The following CLXN variants were observed in gnomAD, a reference collection of about 807,000 sequenced individuals.
CLXN encodes the protein calaxin.
chr8:48,724,698 GCCT>G, the CLXN span: 1 of 1,482,638 alleles, frequency 6.7e-7, no homozygotes, highest in Non-Finnish European at 9.2e-7. Flanking sequence ...ATATGTGTGT[GCCT>G]CCTTTTTTAC....
At chr8:48,720,041 A>G in the CLXN span, among the ~76,000 whole-genome samples, 1 of 152,196 alleles carries the variant, frequency 6.6e-6, no homozygotes, top group Non-Finnish European at 1.5e-5. Context: ...TTCCCAAATA[A>G]TACTTTTATA....
At chr8:48,722,792 T>C in the CLXN span, among the ~76,000 whole-genome samples, 2 of 151,606 alleles carry the variant, frequency 1.3e-5, no homozygotes, top group Non-Finnish European at 2.9e-5. Flanking sequence ...AGACACACAA[T>C]GAAATATCAT....
At chr8:48,732,305 C>T in the CLXN span, among the ~76,000 whole-genome samples, 3 of 152,130 alleles carry the variant, frequency 2.0e-5, no homozygotes, top group Admixed American at 6.5e-5. Flanking sequence ...TATTTTGAAA[C>T]CAGTCAAAAC....
the CLXN span, among the ~76,000 whole-genome samples, chr8:48,727,151 TTCCATCCA>T: frequency 7.8e-6 from 1 of 127,634 alleles, no homozygotes; most frequent in Admixed American, 7.8e-5. Context: ...CCATCCATCC[TTCCATCCA>T]TCCATCCATC....
At chr8:48,728,643 A>G in the CLXN span, among the ~76,000 whole-genome samples, 6 of 152,262 alleles carry the variant, frequency 3.9e-5, no homozygotes, top group African/African-American at 1.4e-4. Flanking sequence ...AAATGAGGCA[A>G]TATGAGGCTT....
At chr8:48,716,024 G>A in the CLXN span, 3 of 152,496 alleles carry the variant, frequency 2.0e-5, no homozygotes, top group African/African-American at 4.8e-5. Context: ...TGGAGCAGGG[G>A]GCAGGCCTGT....
the CLXN span, among the ~76,000 whole-genome samples, chr8:48,725,870 T>G: frequency 6.6e-5 from 10 of 152,066 alleles, no homozygotes; most frequent in African/African-American, 2.2e-4. Flanking sequence ...AAGGTTTCAC[T>G]AGAGAGGGAA....
At chr8:48,735,072 C>G in the CLXN span, 1 of 1,614,050 alleles carries the variant, frequency 6.2e-7, no homozygotes, top group Admixed American at 1.7e-5. Flanking sequence ...CTCGGCCTGT[C>G]CAGCACTACA....
At chr8:48,730,483 G>C in the CLXN span, 1 of 1,177,532 alleles carries the variant, frequency 8.5e-7, no homozygotes, top group African/African-American at 1.5e-5. Flanking sequence ...ACTGATTTAA[G>C]TGCTTTAGAT....
At chr8:48,721,364 T>A in the CLXN span, among the ~76,000 whole-genome samples, 1 of 148,124 alleles carries the variant, frequency 6.8e-6, no homozygotes, top group Admixed American at 6.6e-5. Flanking sequence ...ATTTATATTA[T>A]TAAAATGTTC....
chr8:48,726,072 C>CCCAT, the CLXN span, among the ~76,000 whole-genome samples: 1 of 145,558 alleles, frequency 6.9e-6, no homozygotes. Flanking sequence ...ACCCACCTCA[C>CCCAT]CCATCCATCC....
At chr8:48,733,020 G>A in the CLXN span, among the ~76,000 whole-genome samples, 1 of 152,126 alleles carries the variant, frequency 6.6e-6, no homozygotes, top group African/African-American at 2.4e-5. Context: ...GAGGTGGATG[G>A]TGGTGTTGCA....
At chr8:48,715,751 A>C in the CLXN span, 1 of 152,268 alleles carries the variant, frequency 6.6e-6, no homozygotes, top group Non-Finnish European at 1.5e-5. Context: ...CCAATAGGTG[A>C]AGGTCTTTCC....
chr8:48,727,006 TCC>T, the CLXN span, among the ~76,000 whole-genome samples: 15 of 146,474 alleles, frequency 1.0e-4, no homozygotes, highest in African/African-American at 3.6e-4. Context: ...CATCCATCCA[TCC>T]ATCCATCCAT....
At chr8:48,730,700 G>C in the CLXN span, 1 of 987,040 alleles carries the variant, frequency 1.0e-6, no homozygotes, top group East Asian at 2.6e-5. Context: ...TCTCAGTAAA[G>C]TATCTACATT....
chr8:48,714,379 G>A, the CLXN span, among the ~76,000 whole-genome samples: 1 of 152,192 alleles, frequency 6.6e-6, no homozygotes, highest in South Asian at 2.1e-4. Flanking sequence ...GAACGGCAGA[G>A]GAGATGTGTT....
chr8:48,717,974 G>A, the CLXN span, among the ~76,000 whole-genome samples: 1 of 152,040 alleles, frequency 6.6e-6, no homozygotes, highest in Non-Finnish European at 1.5e-5. Flanking sequence ...GGCAATAATA[G>A]GTACATAGTT....
the CLXN span, among the ~76,000 whole-genome samples, chr8:48,725,806 AAAATAAATAAATAAATAAAT>A: frequency 2.7e-5 from 4 of 149,488 alleles, no homozygotes; most frequent in Non-Finnish European, 4.4e-5. Context: ...CTCCGTCTCA[AAAATAAATAAATAAATAAAT>A]AAATAAATAA....
chr8:48,732,251 A>G, the CLXN span, among the ~76,000 whole-genome samples: 1 of 152,224 alleles, frequency 6.6e-6, no homozygotes, highest in Non-Finnish European at 1.5e-5. Flanking sequence ...TCTTGATAAT[A>G]TAAAAGCTCA....
Sources: allele counts gnomAD v4.1 joint callset (sites outside exome capture counted in the v4.1 genomes callset), GRCh38; gene constraint gnomAD v4.1.1; transcripts MANE v1.5; gene names NCBI Gene and HGNC (gene_info 2026-07-23, HGNC 2026-07-21).